The following AFF3 variants were observed in gnomAD, a reference collection of about 807,000 sequenced individuals.
AFF3 encodes ALF transcription elongation factor 3, also known as AF4/FMR2 family member 3.
A neutral mutation model predicts 129.7 loss-of-function variants in AFF3; 32 were observed. The ratio of observed to expected loss-of-function variants is 0.25; its 90% CI spans 0.19 to 0.33. The LOEUF (loss-of-function observed/expected upper bound fraction) is 0.33, where lower values mean the gene tolerates loss of function less well. Among genes scored for constraint, AFF3 ranks in the 10% least tolerant of loss-of-function variants. The pLI is 1.00. For synonymous variants in AFF3, 644 were observed against 635.4 expected, an observed-to-expected ratio of 1.01 and a Z score of -0.20; for missense variants, 1,373 against 1,592.0, an observed-to-expected ratio of 0.86 and a Z score of 2.34.
At chr2:100,100,774 T>C (rs1217880229) in intron 4 of AFF3, among the ~76,000 whole-genome samples, 1 of 152,236 alleles carries the variant, frequency 6.6e-6, no homozygotes, top group Admixed American at 6.5e-5. Flanking sequence ...GTTAGCCTGT[T>C]AAAAGGGATG....
chr2:99,894,769 C>G (rs147797257), intron 7 of AFF3, among the ~76,000 whole-genome samples: 3,981 of 152,222 alleles, frequency 0.026, 169 homozygotes, highest in African/African-American at 0.089. Context: ...GCCACTGCAC[C>G]CGGCCAGGAA....
At chr2:99,808,488 T>C (rs936559671) in intron 8 of AFF3, among the ~76,000 whole-genome samples, 8 of 152,028 alleles carry the variant, frequency 5.3e-5, no homozygotes, top group African/African-American at 1.9e-4. Context: ...AAATACAGAG[T>C]GATGAACAAG....
chr2:99,685,017 C>G lies in AFF3; in HGVS notation c.1092-12428G>C, dbSNP rs913252139. Among the ~76,000 whole-genome samples, 5 of 151,390 alleles carry G rather than the reference C, an allele frequency of 3.3e-5. No individual in the cohort carries two copies. In the South Asian group the frequency reaches 1.0e-3, roughly 32 times the overall value. The stretch of plus-strand genomic sequence containing the variant: ...GCAGTGGTGCTATCTTGGCTCACCA[C>G]AACCTCCGCCTCCCATGTTCAAGTG... On this transcript the variant is annotated intron_variant, in intron 11 of 24. Transcript: ENST00000672756.
intron 11 of AFF3, among the ~76,000 whole-genome samples, chr2:99,705,884 A>C (rs909073511): frequency 4.0e-5 from 6 of 151,208 alleles, no homozygotes; most frequent in African/African-American, 1.5e-4. Flanking sequence ...CAAAAAAAAA[A>C]AAAAAAAAAA....
chr2:99,639,643 A>AG (rs1389726753), intron 13 of AFF3, among the ~76,000 whole-genome samples: 2 of 152,132 alleles, frequency 1.3e-5, no homozygotes, highest in African/African-American at 4.8e-5. Context: ...GAAAGGTGTC[A>AG]GGATATGACC....
At chr2:99,910,639 T>C (rs966618500) in intron 7 of AFF3, among the ~76,000 whole-genome samples, 6 of 152,248 alleles carry the variant, frequency 3.9e-5, no homozygotes, top group Admixed American at 6.5e-5. Flanking sequence ...AGTTGCTAAG[T>C]TGATATTTAA....
At chr2:100,108,721 A>G (rs1243366431) in intron 2 of AFF3, among the ~76,000 whole-genome samples, 1 of 152,132 alleles carries the variant, frequency 6.6e-6, no homozygotes, top group Non-Finnish European at 1.5e-5. Context: ...TATTTGGACT[A>G]TCTGTCCCTG....
At chr2:99,605,170 A>C (rs1364442848) in intron 13 of AFF3, among the ~76,000 whole-genome samples, 1 of 152,208 alleles carries the variant, frequency 6.6e-6, no homozygotes, top group Non-Finnish European at 1.5e-5. Flanking sequence ...AAAACCTTAT[A>C]CGTTAATGTT....
chr2:99,837,668 A>T, intron 7 of AFF3, 144 bp from the exon 8 acceptor site: 1 of 684,600 alleles, frequency 1.5e-6, no homozygotes, highest in South Asian at 1.8e-5. Context: ...GGACTGGCAG[A>T]CAGGCTCCTT....
intron 8 of AFF3, among the ~76,000 whole-genome samples, chr2:99,823,718 T>C (rs1687860707): frequency 6.6e-6 from 1 of 152,152 alleles, no homozygotes; most frequent in Admixed American, 6.5e-5. Flanking sequence ...CCTTCAACAG[T>C]GGACTGGAGA....
chr2:99,901,272 G>A (rs1217486226), intron 7 of AFF3, among the ~76,000 whole-genome samples: 2 of 152,190 alleles, frequency 1.3e-5, no homozygotes, highest in East Asian at 1.9e-4. Flanking sequence ...TTTTGAGCCT[G>A]CTCTTTCTCT....
At chr2:100,074,837 G>A (rs1688468017) in intron 4 of AFF3, among the ~76,000 whole-genome samples, 2 of 152,174 alleles carry the variant, frequency 1.3e-5, no homozygotes, top group Non-Finnish European at 2.9e-5. Flanking sequence ...CACAAACTCT[G>A]ACTCTGGAGA....
intron 13 of AFF3, among the ~76,000 whole-genome samples, chr2:99,603,853 G>C (rs1343128191): frequency 6.6e-6 from 1 of 152,112 alleles, no homozygotes; most frequent in African/African-American, 2.4e-5. Context: ...ACATACATGT[G>C]GCCAAAAAGC....
At chr2:99,951,346 A>T (rs892172040) in intron 7 of AFF3, among the ~76,000 whole-genome samples, 1 of 152,050 alleles carries the variant, frequency 6.6e-6, no homozygotes, top group Non-Finnish European at 1.5e-5. Context: ...TTAATTACTA[A>T]CTTGCCTAAC....
At chr2:99,923,603 CAAAAG>C (rs1696016618) in intron 7 of AFF3, among the ~76,000 whole-genome samples, 1 of 152,084 alleles carries the variant, frequency 6.6e-6, no homozygotes, top group Admixed American at 6.6e-5. Flanking sequence ...TGAATTCACT[CAAAAG>C]AAATATAGCA....
Position 100,083,493 on chromosome 2 carries a change from G to A in AFF3, c.53+20909C>T, listed in dbSNP as rs544807909. ...TCACCGCACTTCTGCCTGGCACAACGGCTTTGCCAAGCTACCCTCTTCGTG... is the reference window on the plus strand; with the variant it reads ...TCACCGCACTTCTGCCTGGCACAACAGCTTTGCCAAGCTACCCTCTTCGTG... On this transcript the variant is annotated intron_variant, in intron 4 of 24. Transcript: ENST00000672756. 1.5e-3 allele frequency among the ~76,000 whole-genome samples: 227 copies of A among 152,250 alleles called. 1 individual carries two copies. Among genetic ancestry groups the A allele is most frequent in the African/African-American group, 5.2e-3 (216 of 41,534 alleles).
chr2:99,863,501 C>A (rs1346622), intron 7 of AFF3, among the ~76,000 whole-genome samples: 73,433 of 151,918 alleles, frequency 0.48, 18,264 homozygotes, highest in African/African-American at 0.58. Context: ...TCTTAAATAA[C>A]TATGACTTAG....
intron 11 of AFF3, among the ~76,000 whole-genome samples, chr2:99,685,468 G>A (rs1415361077): frequency 6.6e-6 from 1 of 152,036 alleles, no homozygotes; most frequent in Non-Finnish European, 1.5e-5. Flanking sequence ...GCAGAAGAGG[G>A]GTGCATTTAC....
At chr2:99,928,350 A>G (rs1696425254) in intron 7 of AFF3, among the ~76,000 whole-genome samples, 1 of 152,200 alleles carries the variant, frequency 6.6e-6, no homozygotes. Context: ...ATAAAACATT[A>G]AGCCAGGGAT....
Sources: allele counts gnomAD v4.1 joint callset (sites outside exome capture counted in the v4.1 genomes callset), GRCh38; gene constraint gnomAD v4.1.1; transcripts MANE v1.5; gene names NCBI Gene and HGNC (gene_info 2026-07-23, HGNC 2026-07-21).